The following MBOAT1 variants were observed in gnomAD, a reference collection of about 807,000 sequenced individuals.
MBOAT1 encodes membrane bound glycerophospholipid O-acyltransferase 1, also known as membrane-bound glycerophospholipid O-acyltransferase 1.
MBOAT1 carries 67 observed loss-of-function variants against 64.4 expected under a neutral mutation model. That is an observed-to-expected ratio of 1.04 (90% confidence interval 0.85 to 1.27). The LOEUF is 1.27. Ranked by LOEUF, MBOAT1 falls within the 50% of genes most tolerant of loss-of-function variation. The pLI, the probability that MBOAT1 is intolerant of heterozygous loss-of-function variation, is 0.00. For missense variants in MBOAT1, 563 were observed against 604.6 expected (o/e 0.93, Z 0.72); for synonymous variants, 229 against 218.9 (o/e 1.05, Z -0.41).
intron 1 of MBOAT1, among the ~76,000 whole-genome samples, chr6:20,156,326 T>C (rs1408431333): frequency 3.9e-5 from 6 of 152,050 alleles, no homozygotes; most frequent in Admixed American, 3.9e-4. Flanking sequence ...ACCAGAATCC[T>C]TTCCTTGACT....
intron 9 of MBOAT1, 92 bp from the exon 10 acceptor site, chr6:20,115,444 A>G (rs902385118): frequency 2.0e-6 from 2 of 992,110 alleles, no homozygotes; most frequent in African/African-American, 3.2e-5. Context: ...CAGGTTAGAT[A>G]CTGTATTTCA....
intron 11 of MBOAT1, among the ~76,000 whole-genome samples, chr6:20,111,744 G>A (rs1191502906): frequency 6.7e-6 from 1 of 148,854 alleles, no homozygotes; most frequent in Non-Finnish European, 1.5e-5. Context: ...GTACAAATAT[G>A]TACAATATGC....
intron 1 of MBOAT1, among the ~76,000 whole-genome samples, chr6:20,156,139 T>C (rs532848840): frequency 3.9e-4 from 59 of 151,830 alleles, no homozygotes; most frequent in African/African-American, 1.2e-3. Flanking sequence ...GGCGTGGTGG[T>C]GGGCGCCTGT....
intron 1 of MBOAT1, among the ~76,000 whole-genome samples, chr6:20,168,507 G>GGAGAGGAGAA: frequency 7.5e-6 from 1 of 132,650 alleles, no homozygotes; most frequent in Non-Finnish European, 1.6e-5. Flanking sequence ...GAGAGAGAGA[G>GGAGAGGAGAA]GAGAGGAGAG....
rs976840762 is a variant in MBOAT1 at position 20,100,856 on chromosome 6, C to G, written c.*1430G>C. On this transcript the variant is annotated 3_prime_UTR_variant, in exon 13 of 13. Transcript: ENST00000324607. ...TTATCATCATTATTATTTTCCACAA[C>G]ATTTAATACCAAGTTTCCTTCTCTC... 2.6e-5 allele frequency among the ~76,000 whole-genome samples: 4 copies of G among 152,116 alleles called. No individual in the cohort carries two copies. The highest frequency in any genetic ancestry group is 9.7e-5 in the African/African-American group (4 of 41,390).
chr6:20,211,969 A>AACACAC (rs57852903), intron 1 of MBOAT1, 167 bp downstream of exon 1: 69,317 of 454,226 alleles, frequency 0.15, 2,410 homozygotes, highest in Admixed American at 0.21. Context: ...AAGAAGGGAA[A>AACACAC]ACACACACAC....
intron 1 of MBOAT1, among the ~76,000 whole-genome samples, chr6:20,170,816 CAAG>C (rs1762167385): frequency 6.6e-6 from 1 of 152,174 alleles, no homozygotes; most frequent in Admixed American, 6.6e-5. Context: ...CAAAAAACTT[CAAG>C]AAGGCGGAAA....
chr6:20,123,780 G>A (rs1760561919), intron 8 of MBOAT1, among the ~76,000 whole-genome samples: 1 of 152,164 alleles, frequency 6.6e-6, no homozygotes, highest in Admixed American at 6.5e-5. Context: ...ATCAAGGCTG[G>A]GCGTGGTGGC....
chr6:20,206,005 T>C (rs1457393622), intron 1 of MBOAT1, among the ~76,000 whole-genome samples: 1 of 151,982 alleles, frequency 6.6e-6, no homozygotes, highest in East Asian at 1.9e-4. Flanking sequence ...CCTAACTTCC[T>C]TCTCCCCCTC....
chr6:20,113,829 A>G (rs1299973199), intron 10 of MBOAT1, among the ~76,000 whole-genome samples: 1 of 150,744 alleles, frequency 6.6e-6, no homozygotes, highest in Non-Finnish European at 1.5e-5. Context: ...ATAAAAAATA[A>G]ATAAATAATA....
intron 7 of MBOAT1, chr6:20,125,837 T>G (rs1760633312): frequency 2.4e-6 from 1 of 418,912 alleles, no homozygotes; most frequent in Non-Finnish European, 4.6e-6. Context: ...TCAAAATGTT[T>G]AACTTGAATT....
At chr6:20,184,115 T>C (rs1384718670) in intron 1 of MBOAT1, among the ~76,000 whole-genome samples, 1 of 152,190 alleles carries the variant, frequency 6.6e-6, no homozygotes, top group African/African-American at 2.4e-5. Context: ...ACCATGTTAC[T>C]CTTCCGTTTA....
chr6:20,125,078 G>C (rs1387893471), intron 7 of MBOAT1, among the ~76,000 whole-genome samples: 1 of 152,162 alleles, frequency 6.6e-6, no homozygotes, highest in African/African-American at 2.4e-5. Context: ...GGCCAGCCAG[G>C]ACATGGGCAG....
chr6:20,147,504 T>C (rs958100376), intron 3 of MBOAT1, among the ~76,000 whole-genome samples: 1 of 152,182 alleles, frequency 6.6e-6, no homozygotes, highest in Non-Finnish European at 1.5e-5. Flanking sequence ...CCAGGGGTGG[T>C]GGTGCATGCC....
At chr6:20,130,206 C>T (rs992433358) in intron 5 of MBOAT1, among the ~76,000 whole-genome samples, 28 of 152,210 alleles carry the variant, frequency 1.8e-4, no homozygotes, top group African/African-American at 4.6e-4. Flanking sequence ...TGAAATCTTC[C>T]GCCCAGCTGA....
chr6:20,179,189 G>A lies in MBOAT1; in HGVS notation c.100-26420C>T, dbSNP rs77331435. 2.0e-3 allele frequency among the ~76,000 whole-genome samples: 301 copies of A among 148,708 alleles called. 2 individuals are homozygous for A. The highest frequency in any genetic ancestry group is 7.4e-3 in the African/African-American group (297 of 40,208). ...TTGCAACAACCCTCAATGTGCTACTGAGAAAACTCACACAAAGTTAATGGC... is the reference window on the plus strand; with the variant it reads ...TTGCAACAACCCTCAATGTGCTACTAAGAAAACTCACACAAAGTTAATGGC... On this transcript the variant is annotated intron_variant, in intron 1 of 12. Transcript: ENST00000324607.
intron 1 of MBOAT1, among the ~76,000 whole-genome samples, chr6:20,192,032 GACT>G (rs1215873447): frequency 6.6e-6 from 1 of 152,236 alleles, no homozygotes; most frequent in African/African-American, 2.4e-5. Flanking sequence ...TGTTTTAGAA[GACT>G]ACTAATTCTT....
chr6:20,177,774 AAAAAAAAAAAAAAAAAAC>A (rs940366714), intron 1 of MBOAT1, among the ~76,000 whole-genome samples: 12 of 36,590 alleles, frequency 3.3e-4, no homozygotes, highest in South Asian at 7.0e-4. Flanking sequence ...ACTCCGTCTC[AAAAAAAAAAAAAAAAAAC>A]AAAAAACTTG....
intron 12 of MBOAT1, among the ~76,000 whole-genome samples, chr6:20,106,137 T>C (rs1208287178): frequency 3.3e-5 from 5 of 152,242 alleles, no homozygotes; most frequent in African/African-American, 1.2e-4. Context: ...GGAACAGATC[T>C]GGAACGCAAC....
Sources: gnomAD v4.1 joint callset for allele counts (sites outside exome capture counted in the v4.1 genomes callset) on GRCh38, gnomAD v4.1.1 for gene constraint, MANE v1.5 for transcripts, NCBI Gene and HGNC (gene_info 2026-07-23, HGNC 2026-07-21) for gene names.